SLC39A4: variants seen among roughly 807,000 people sequenced by gnomAD.
SLC39A4 encodes the protein solute carrier family 39 member 4.
SLC39A4 carries 49 observed loss-of-function variants against 56.6 expected under a neutral mutation model. The ratio of observed to expected loss-of-function variants is 0.87; its 90% CI spans 0.69 to 1.10. The LOEUF (loss-of-function observed/expected upper bound fraction) is 1.10, where lower values mean the gene tolerates loss of function less well. SLC39A4 is among the 50% of genes least tolerant of loss of function. The pLI is 0.00. For synonymous variants in SLC39A4, 540 were observed against 420.4 expected, an observed-to-expected ratio of 1.28 and a Z score of -3.48; for missense variants, 993 against 864.2, an observed-to-expected ratio of 1.15 and a Z score of -1.87.
rs1407303387 is a variant in SLC39A4 at position 144,413,805 on chromosome 8, G to A, written c.1364C>T (p.Ala455Val). 4.5e-6 allele frequency: 7 copies of A among 1,568,686 alleles called. No homozygotes were observed. The Admixed American group carries it at 7.3e-5, about 16-fold the overall frequency. ...GHSHGVSLQLAPSELRQPKPP... is the reference protein window; with the variant it reads ...GHSHGVSLQLVPSELRQPKPP... Reference sequence around the variant, plus strand: ...CTTGGGCTGCCGGAGCTCGCTGGGTGCCAGCTGCAGGGACACACCGTGGCT... The same window carrying A: ...CTTGGGCTGCCGGAGCTCGCTGGGTACCAGCTGCAGGGACACACCGTGGCT... The change falls in exon 8 of 12, where the codon GCA becomes GTA. Residue 455 changes from alanine to valine, a missense_variant. Coordinates refer to ENST00000301305, the MANE Select transcript of SLC39A4 (RefSeq NM_130849.4).
chr8:144,412,871 G>T lies in SLC39A4; in HGVS notation c.1703C>A (p.Thr568Lys). The change falls in exon 11 of 12, where the codon ACG becomes AAG. Residue 568 changes from threonine to lysine, a missense_variant. Coordinates refer to ENST00000301305, the MANE Select transcript of SLC39A4 (RefSeq NM_130849.4). ...TGCCACGTAGAGACCAGCGAAGGCC[G>T]TGAGCGCGGAGGCCAGGTTCAGCAG... ...ALLLNLASALTAFAGLYVALA... is the reference protein window; with the variant it reads ...ALLLNLASALKAFAGLYVALA... The T allele has an allele frequency of 6.2e-7, 1 of 1,611,638 alleles. No homozygotes were observed. Among genetic ancestry groups the T allele is most frequent in the Middle Eastern group, 1.7e-4 (1 of 6,052 alleles).
chr8:144,414,622 C>T (rs981902516), intron 5 of SLC39A4, 103 bp downstream of exon 5: 6 of 1,541,476 alleles, frequency 3.9e-6, no homozygotes, highest in Middle Eastern at 2.2e-4. Flanking sequence ...CTACTTCCAG[C>T]CCCTGCTCAC....
chr8:144,416,537 G>A, intron 1 of SLC39A4, 61 bp downstream of exon 1: 1 of 1,533,000 alleles, frequency 6.5e-7, no homozygotes, highest in Non-Finnish European at 8.8e-7. Flanking sequence ...GCTGCCGGCT[G>A]GCAGGGCGGA....
rs570566805 is a variant in SLC39A4, at chr8:144,416,613, G to A, written c.177C>T (p.Asn59=). The A allele has an allele frequency of 5.8e-5, 92 of 1,594,116 alleles. No individual in the cohort carries two copies. The highest frequency in any genetic ancestry group is 3.4e-4 in the Middle Eastern group (2 of 5,816). Residue 59 remains asparagine, a synonymous_variant, in exon 1 of 12, where the codon AAC becomes AAT. Transcript: ENST00000301305. ...GGGCTGTTACCTTTCCACACGGCCC[G>A]TTGGCGCAGTGCACACGGTCCGCCA... ...NTLADRVHCA[N]GPCGKCLSVE...
chr8:144,412,506 T>G lies in SLC39A4; in HGVS notation c.*32A>C, dbSNP rs1554871758. 1 of 1,614,070 alleles carries G rather than the reference T, an allele frequency of 6.2e-7. No homozygotes were observed. The highest frequency in any genetic ancestry group is 1.1e-5 in the South Asian group (1 of 91,052). On this transcript the variant is annotated 3_prime_UTR_variant, in exon 12 of 12. Transcript: ENST00000301305. ...CTGTAGGTTTGTGAGGTGTGGGATC[T>G]TAAGTCAAAGGTGGGGGACTAGGGC...
chr8:144,415,345 C>T lies in SLC39A4; in HGVS notation c.549G>A (p.Leu183=). ...AGAPGSAGGV[L]AALLDHVRSG... ...TCCTGACATGGTCCAGCAGGGCAGC[C>T]AGGACGCCGCCAGCACTGCCCGGAG... Residue 183 remains leucine (L), a synonymous_variant, in exon 3 of 12, where the codon CTG becomes CTA. Transcript: ENST00000301305. 6.2e-7 allele frequency: 1 copy of T among 1,611,856 alleles called. No individual in the cohort carries two copies. Among genetic ancestry groups the T allele is most frequent in the Admixed American group, 1.7e-5 (1 of 59,904 alleles).
In SLC39A4 at chr8:144,413,376, C is replaced by G. The variant is rs148998653; in HGVS notation, c.1488G>C (p.Leu496=). Residue 496 remains leucine, a synonymous_variant, in exon 10 of 12, where the codon CTG becomes CTC. Coordinates refer to ENST00000301305, the MANE Select transcript of SLC39A4 (RefSeq NM_130849.4). ...CGTCGCCCAGAGTGATCATATAGGGCAGTAGCCTCAACTCTGCGGGCGCAG... is the reference window on the plus strand; with the variant it reads ...CGTCGCCCAGAGTGATCATATAGGGGAGTAGCCTCAACTCTGCGGGCGCAG... ...PRRLSPELRL[L]PYMITLGDAV... The G allele has an allele frequency of 3.1e-6, 5 of 1,609,026 alleles. No homozygotes were observed. Among genetic ancestry groups the G allele is most frequent in the Non-Finnish European group, 4.2e-6 (5 of 1,179,370 alleles).
At position 144,412,936 on chromosome 8, in the gene SLC39A4, G is replaced by A. The variant is rs781951244; in HGVS notation, c.1638C>T (p.Ala546=). ...HELPHELGDF[A]ALLHAGLSVR... The stretch of plus-strand genomic sequence containing the variant: ...CGGACAGCCCCGCGTGCAGCAAGGC[G>A]GCGAAGTCCCCTGCGGGCGAGTCCA... The change falls in exon 11 of 12, where the codon GCC becomes GCT. Residue 546 remains alanine, a synonymous_variant. Coordinates refer to ENST00000301305, the MANE Select transcript of SLC39A4 (RefSeq NM_130849.4). 1.2e-6 allele frequency: 2 copies of A among 1,601,680 alleles called. No homozygotes were observed. The highest frequency in any genetic ancestry group is 8.5e-7 in the Non-Finnish European group (1 of 1,178,116).
rs782769798 is a variant in SLC39A4 at position 144,416,029 on chromosome 8, G to A, written c.255C>T (p.Gly85=). 1.3e-6 allele frequency: 2 copies of A among 1,580,056 alleles called. No homozygotes were observed. The highest frequency in any genetic ancestry group is 8.6e-7 in the Non-Finnish European group (1 of 1,164,698). Residue 85 remains glycine, a synonymous_variant, in exon 2 of 12, where the codon GGC becomes GGT. Coordinates refer to ENST00000301305, the MANE Select transcript of SLC39A4 (RefSeq NM_130849.4). Reference sequence around the variant, plus strand: ...CGACGTACCTGGCCTCCAGGACCGGGCCCGGGGGCAGCCCTGACCCCTCAG... The same window carrying A: ...CGACGTACCTGGCCTCCAGGACCGGACCCGGGGGCAGCCCTGACCCCTCAG... The part of the protein sequence containing the change: ...GEPEGSGLPP[G]PVLEARYVAR...
At chr8:144,413,453 C>A in intron 9 of SLC39A4, 60 bp downstream of exon 9, 1 of 1,576,644 alleles carries the variant, frequency 6.3e-7, no homozygotes, top group Non-Finnish European at 8.6e-7. Context: ...TTGGGCCCCA[C>A]CCGCGCTCCA....
rs201033956 is a variant in SLC39A4 at position 144,415,150 on chromosome 8, C to T, written c.668-40G>A. 6.3e-4 allele frequency: 1,020 copies of T among 1,612,700 alleles called. 7 individuals are homozygous for T. The African/African-American group carries it at 0.01, about 16-fold the overall frequency. ...AGTTGGCACCGCGAGTCTGTGTGGG[C>T]TCCGGCCCTGCCCCCCAGGGACGTG... On this transcript the variant is annotated intron_variant, in intron 3 of 11. Coordinates refer to ENST00000301305, the MANE Select transcript of SLC39A4 (RefSeq NM_130849.4).
Position 144,413,495 on chromosome 8 carries a change from G to GC in SLC39A4, c.1474+17_1474+18insG, listed in dbSNP as rs1225320907. On this transcript the variant is annotated intron_variant, in intron 9 of 11. Transcript: ENST00000301305. ...CCCCAGATCCCCCAGCCCTTCCGGGGTCGCCCCCTGGGCTCACCTGGGCTC... is the reference window on the plus strand; with the variant it reads ...CCCCAGATCCCCCAGCCCTTCCGGGGCTCGCCCCCTGGGCTCACCTGGGCTC... The GC allele has an allele frequency of 6.4e-7, 1 of 1,558,160 alleles. No individual in the cohort carries two copies. The highest frequency in any genetic ancestry group is 2.4e-5 in the East Asian group (1 of 41,586).
chr8:144,414,167 C>A, intron 6 of SLC39A4, 72 bp from the exon 7 acceptor site: 2 of 1,565,856 alleles, frequency 1.3e-6, no homozygotes, highest in Non-Finnish European at 1.7e-6. Flanking sequence ...GGAGAGGGGT[C>A]AGGAGGTGGG....
At chr8:144,412,968 C>T (rs1554872109) in intron 10 of SLC39A4, 22 bp from the exon 11 acceptor site, 3 of 1,575,000 alleles carry the variant, frequency 1.9e-6, no homozygotes, top group South Asian at 1.1e-5. Flanking sequence ...TCCACATTAA[C>T]AGCTCCGCCC....
Position 144,412,443 on chromosome 8 carries a change from T to C in SLC39A4, c.*95A>G. ...AGGACAAGAGTGTCTTTACTGGAGT[T>C]GGGACTGGGGCCTCTATAGGGGCTT... On this transcript the variant is annotated 3_prime_UTR_variant, in exon 12 of 12. Coordinates refer to ENST00000301305, the MANE Select transcript of SLC39A4 (RefSeq NM_130849.4). 1 of 1,596,750 alleles carries C rather than the reference T, an allele frequency of 6.3e-7. No homozygotes were observed. The highest frequency in any genetic ancestry group is 1.3e-5 in the African/African-American group (1 of 74,586).
At chr8:144,413,214 T>C in intron 10 of SLC39A4, 23 bp downstream of exon 10, 3 of 1,415,150 alleles carry the variant, frequency 2.1e-6, no homozygotes, top group Non-Finnish European at 1.9e-6. Flanking sequence ...GCCCATCTCC[T>C]TCCAGGCCCC....
chr8:144,416,176 T>TG (rs1169296283), intron 1 of SLC39A4, 85 bp from the exon 2 acceptor site: 6 of 1,595,614 alleles, frequency 3.8e-6, no homozygotes, highest in Non-Finnish European at 5.1e-6. Context: ...CCCGAGGGCC[T>TG]GTTTCCCTTT....
At chr8:144,415,531 C>T (rs1270183291) in intron 2 of SLC39A4, 112 bp from the exon 3 acceptor site, 24 of 1,309,506 alleles carry the variant, frequency 1.8e-5, no homozygotes, top group East Asian at 2.5e-5. Context: ...CCACCAGCCC[C>T]GCCCCTCCCT....
rs200291525 is a variant in SLC39A4, at chr8:144,412,552, C to A, written c.1930G>T (p.Asp644Tyr). The A allele has an allele frequency of 2.3e-5, 37 of 1,614,180 alleles. No homozygotes were observed. The highest frequency in any genetic ancestry group is 3.0e-5 in the Non-Finnish European group (35 of 1,180,034). The change falls in exon 12 of 12, where the codon GAC becomes TAC. Residue 644 changes from aspartate (D) to tyrosine (Y), a missense_variant. Transcript: ENST00000301305. ...AGGGCAGGGTATCAGAAGGTGATGT[C>A]ATCCTCGTACAGGGACAGCAGCAGC... is the stretch of plus-strand genomic sequence containing the variant. ...VLLLLSLYED[D>Y]ITF
Sources: gnomAD v4.1 joint callset for allele counts on GRCh38, gnomAD v4.1.1 for gene constraint, MANE v1.5 for transcripts, NCBI Gene and HGNC (gene_info 2026-07-23, HGNC 2026-07-21) for gene names.